SHANK2: variants seen among roughly 807,000 people sequenced by gnomAD.
SHANK2 encodes the protein SH3 and multiple ankyrin repeat domains 2.
In SHANK2, 43 loss-of-function variants were observed where a neutral mutation model predicts 133.7. That is an observed-to-expected ratio of 0.32 (90% CI 0.25 to 0.41). The LOEUF is 0.41. SHANK2 is among the 10% of genes least tolerant of loss of function. SHANK2 has a pLI of 1.00. For missense variants in SHANK2, 1,994 were observed against 2,235.8 expected (o/e 0.89, Z 2.18); for synonymous variants, 1,017 against 952.8 (o/e 1.07, Z -1.24).
At chr11:71,094,127 G>A (rs976116953) in intron 7 of SHANK2, among the ~76,000 whole-genome samples, 2 of 152,236 alleles carry the variant, frequency 1.3e-5, no homozygotes, top group Admixed American at 1.3e-4. Context: ...TGCTGGGGGT[G>A]GGGCCTGGAG....
chr11:71,080,153 C>T (rs899638315), intron 8 of SHANK2, among the ~76,000 whole-genome samples: 18 of 152,114 alleles, frequency 1.2e-4, no homozygotes, highest in Non-Finnish European at 2.2e-4. Context: ...GGATGAAAGG[C>T]AAAACACTGC....
chr11:70,824,693 C>G (rs980594036), intron 11 of SHANK2, among the ~76,000 whole-genome samples: 7 of 151,940 alleles, frequency 4.6e-5, no homozygotes, highest in African/African-American at 7.3e-5. Flanking sequence ...CCCTCTGGAC[C>G]GGCAGAGACT....
intron 14 of SHANK2, among the ~76,000 whole-genome samples, chr11:70,718,040 C>CA (rs1945981365): frequency 6.6e-6 from 1 of 152,010 alleles, no homozygotes; most frequent in Non-Finnish European, 1.5e-5. Context: ...GTACCAGGGA[C>CA]TTTTTTTTCC....
At position 70,629,658 on chromosome 11, in the gene SHANK2, C is replaced by T. The variant is rs562362701; in HGVS notation, c.2061+30170G>A. ...GTGCACTCTGACATCAGCTCCAAGC[C>T]GGGGAGAGGGGGTGCTGCCGTCAGG... On this transcript the variant is annotated intron_variant, in intron 17 of 25. Transcript: ENST00000601538. 5.3e-5 allele frequency among the ~76,000 whole-genome samples: 8 copies of T among 152,272 alleles called. No homozygotes were observed. The South Asian group carries it at 8.3e-4, about 16-fold the overall frequency.
chr11:70,605,285 G>C (rs1734111492), intron 17 of SHANK2, among the ~76,000 whole-genome samples: 1 of 152,250 alleles, frequency 6.6e-6, no homozygotes, highest in Non-Finnish European at 1.5e-5. Context: ...GGAACACCCA[G>C]AGTGAGAAGT....
chr11:71,148,601 C>T (rs1262601594), intron 2 of SHANK2, among the ~76,000 whole-genome samples: 1 of 152,132 alleles, frequency 6.6e-6, no homozygotes, highest in Non-Finnish European at 1.5e-5. Context: ...GACGAGGCCA[C>T]GTGCATATGG....
chr11:71,116,863 C>G lies in SHANK2; in HGVS notation c.411+1966G>C, dbSNP rs139753533. Among the ~76,000 whole-genome samples, 713 of 152,296 alleles carry G rather than the reference C, an allele frequency of 4.7e-3. 12 individuals are homozygous for G. Among genetic ancestry groups the G allele is most frequent in the African/African-American group, 0.016 (681 of 41,564 alleles). On this transcript the variant is annotated intron_variant, in intron 4 of 25. Coordinates refer to ENST00000601538, the MANE Select transcript of SHANK2 (RefSeq NM_012309.5). ...CCTCCCCTGCTCGCTCTCACACCCC[C>G]TCTTGCCACCTAACATCTGCTCCTG...
chr11:70,486,378 C>T lies in SHANK2; in HGVS notation c.3915G>A (p.Thr1305=), dbSNP rs782175742. The change falls in exon 25 of 26, where the codon ACG becomes ACA. Residue 1305 remains threonine (T), a synonymous_variant. Coordinates refer to ENST00000601538, the MANE Select transcript of SHANK2 (RefSeq NM_012309.5). This position sits in a 1 kb window ranked among gnomAD's most constrained non-coding sequence, Gnocchi z 8.0. ...GCAGGCCAGCCGACTTCTGCTGGGA[C>T]GTGTCCATGATGTCGATCAGCATGT... ...KKNMLIDIMD[T]SQQKSAGLLM... 7 of 1,613,832 alleles carry T rather than the reference C, an allele frequency of 4.3e-6. 1 individual carries two copies. Among genetic ancestry groups the T allele is most frequent in the East Asian group, 4.5e-5 (2 of 44,880 alleles).
chr11:70,869,699 C>A (rs1949427229), intron 11 of SHANK2, among the ~76,000 whole-genome samples: 1 of 152,272 alleles, frequency 6.6e-6, no homozygotes, highest in Admixed American at 6.5e-5. Flanking sequence ...GCTCGGTGAC[C>A]ACCGTGTCAT....
At chr11:70,681,587 C>T (rs555649530) in intron 15 of SHANK2, among the ~76,000 whole-genome samples, 2 of 152,258 alleles carry the variant, frequency 1.3e-5, no homozygotes, top group East Asian at 1.9e-4. Flanking sequence ...GGCTCTCAGC[C>T]GGATCCCTGC....
rs2060866436 is a variant in SHANK2 at position 70,623,787 on chromosome 11, A to G, written c.2061+36041T>C. Among the ~76,000 whole-genome samples the G allele has an allele frequency of 3.3e-5, 5 of 152,346 alleles. No homozygotes were observed. In the South Asian group the frequency reaches 1.0e-3, roughly 32 times the overall value. On this transcript the variant is annotated intron_variant, in intron 17 of 25. Transcript: ENST00000601538. ...TGGCCAGTGGTGCCATATCGAGCACATGGGACATTTCCAGAAAGTTCTACC... is the reference window on the plus strand; with the variant it reads ...TGGCCAGTGGTGCCATATCGAGCACGTGGGACATTTCCAGAAAGTTCTACC...
At chr11:70,887,723 C>T (rs984806749) in intron 11 of SHANK2, among the ~76,000 whole-genome samples, 8 of 152,198 alleles carry the variant, frequency 5.3e-5, no homozygotes, top group Non-Finnish European at 1.2e-4. Flanking sequence ...CCAGGCTGTA[C>T]ACGGCAAGTC....
At chr11:71,200,873 CTTTAT>C (rs1288732584) in intron 2 of SHANK2, among the ~76,000 whole-genome samples, 3 of 146,906 alleles carry the variant, frequency 2.0e-5, no homozygotes, top group Admixed American at 2.0e-4. Context: ...CACTTCAGAT[CTTTAT>C]TTTAGTGACT....
Position 71,127,424 on chromosome 11 carries a change from G to A in SHANK2, c.208-8392C>T, listed in dbSNP as rs546883268. On this transcript the variant is annotated intron_variant, in intron 3 of 25. Coordinates refer to ENST00000601538, the MANE Select transcript of SHANK2 (RefSeq NM_012309.5). ...GGGTAAAATGCTATCAAACAGCATTGCATGCTACAGAGAAATCGTTCGTGA... is the reference window on the plus strand; with the variant it reads ...GGGTAAAATGCTATCAAACAGCATTACATGCTACAGAGAAATCGTTCGTGA... Among the ~76,000 whole-genome samples, 147 of 152,318 alleles carry A rather than the reference G, an allele frequency of 9.7e-4. 4 individuals carry two copies. In the South Asian group the frequency reaches 0.03, roughly 31 times the overall value.
chr11:70,593,043 A>G (rs1211383788), intron 17 of SHANK2, among the ~76,000 whole-genome samples: 1 of 152,114 alleles, frequency 6.6e-6, no homozygotes, highest in African/African-American at 2.4e-5. Flanking sequence ...CTCGCATGAA[A>G]AACTTCCCAC....
At chr11:70,937,380 G>C (rs543853142) in intron 10 of SHANK2, among the ~76,000 whole-genome samples, 12 of 152,366 alleles carry the variant, frequency 7.9e-5, no homozygotes, top group African/African-American at 2.9e-4. Flanking sequence ...CTGCCTGCCT[G>C]ATGGAGGCTC....
chr11:70,897,519 C>A (rs1326883510), intron 10 of SHANK2, among the ~76,000 whole-genome samples: 3 of 152,226 alleles, frequency 2.0e-5, no homozygotes, highest in Non-Finnish European at 4.4e-5. Context: ...CTACTGATTT[C>A]AAATTGGCCA....
chr11:70,803,018 G>A (rs1436144306), intron 13 of SHANK2, among the ~76,000 whole-genome samples: 1 of 152,186 alleles, frequency 6.6e-6, no homozygotes, highest in African/African-American at 2.4e-5. Flanking sequence ...TAGAGAGGGA[G>A]CGTGGCAGGT....
At chr11:71,249,732 GAAGT>G (rs1565536178) in intron 1 of SHANK2, among the ~76,000 whole-genome samples, 1 of 152,240 alleles carries the variant, frequency 6.6e-6, no homozygotes, top group African/African-American at 2.4e-5. Flanking sequence ...TACGTATTTG[GAAGT>G]AAGGCAAGTA....
Sources: allele counts gnomAD v4.1 joint callset (sites outside exome capture counted in the v4.1 genomes callset), GRCh38; gene constraint gnomAD v4.1.1; non-coding constraint Gnocchi (gnomAD v3.1); transcripts MANE v1.5; gene names NCBI Gene and HGNC (gene_info 2026-07-23, HGNC 2026-07-21).